The following DGKG variants were observed in gnomAD, a reference collection of about 807,000 sequenced individuals.
The protein encoded by DGKG is DAG kinase gamma.
In DGKG, 78 loss-of-function variants were observed where a neutral mutation model predicts 105.3. The ratio of observed to expected loss-of-function variants is 0.74; its 90% CI spans 0.62 to 0.89. The LOEUF (loss-of-function observed/expected upper bound fraction) is 0.89, where lower values mean the gene tolerates loss of function less well. Among genes scored for constraint, DGKG ranks in the 40% least tolerant of loss-of-function variants. DGKG has a pLI of 0.00. For missense variants in DGKG, 958 were observed against 1,020.1 expected (o/e 0.94, Z 0.83); for synonymous variants, 346 against 367.1 (o/e 0.94, Z 0.66).
At position 186,320,516 on chromosome 3, in the gene DGKG, G is replaced by C. The variant is rs1365412551; in HGVS notation, c.-57C>G. On this transcript the variant is annotated 5_prime_UTR_variant, in exon 2 of 25. The change creates a premature stop within an existing upstream ORF in the 5' untranslated region. Coordinates refer to ENST00000265022, the MANE Select transcript of DGKG (RefSeq NM_001346.3). ...GTGATGGAGTTTTGTTCACTAGGCT[G>C]AAGTGGAGGCCCAGCCCAGGGCCTG... 5 of 1,613,778 alleles carry C rather than the reference G, an allele frequency of 3.1e-6. No individual in the cohort carries two copies. The Admixed American group carries it at 8.3e-5, about 27-fold the overall frequency.
At chr3:186,161,207 AC>A in intron 24 of DGKG, 3 of 993,418 alleles carry the variant, frequency 3.0e-6, no homozygotes, top group South Asian at 4.5e-5. Flanking sequence ...TTTGGCTTCC[AC>A]GTAAGGAAGC....
intron 13 of DGKG, 143 bp from the exon 14 acceptor site, chr3:186,265,449 G>T: frequency 1.4e-6 from 1 of 709,958 alleles, no homozygotes; most frequent in Non-Finnish European, 2.4e-6. Context: ...TCAACATAGG[G>T]CTTCTGACCT....
At chr3:186,153,495 T>A (rs1715873596) in intron 24 of DGKG, among the ~76,000 whole-genome samples, 1 of 152,210 alleles carries the variant, frequency 6.6e-6, no homozygotes. Context: ...GATCAGCAGC[T>A]TAGTGCATAG....
chr3:186,300,625 C>A (rs1036727204), intron 3 of DGKG, among the ~76,000 whole-genome samples: 2 of 152,120 alleles, frequency 1.3e-5, no homozygotes, highest in Non-Finnish European at 2.9e-5. Context: ...CTTTAATTGA[C>A]AAGTAGTATT....
At chr3:186,190,519 A>G (rs1294458930) in intron 21 of DGKG, among the ~76,000 whole-genome samples, 1 of 152,150 alleles carries the variant, frequency 6.6e-6, no homozygotes, top group Non-Finnish European at 1.5e-5. Flanking sequence ...TATCCTTATT[A>G]TCCAATTGAT....
In DGKG at chr3:186,203,201, C is replaced by T. The variant is rs1008567265; in HGVS notation, c.1917+8594G>A. Among the ~76,000 whole-genome samples the T allele has an allele frequency of 5.9e-5, 9 of 152,146 alleles. No homozygotes were observed. Among genetic ancestry groups the T allele is most frequent in the Non-Finnish European group, 1.3e-4 (9 of 68,036 alleles). On this transcript the variant is annotated intron_variant, in intron 21 of 24. Transcript: ENST00000265022. This position sits in a 1 kb window ranked among gnomAD's most constrained non-coding sequence, Gnocchi z 4.9. Reference sequence around the variant, plus strand: ...AGCATTAGTGAAGGAAACTCGTAGTCAGTGCACGACTGAAAGAGACAGAGA... The same window carrying T: ...AGCATTAGTGAAGGAAACTCGTAGTTAGTGCACGACTGAAAGAGACAGAGA...
At chr3:186,179,861 G>C (rs1361838642) in intron 22 of DGKG, among the ~76,000 whole-genome samples, 1 of 152,216 alleles carries the variant, frequency 6.6e-6, no homozygotes, top group African/African-American at 2.4e-5. Flanking sequence ...TGGCAGAGGG[G>C]CCCTGGCACA....
At chr3:186,320,364 G>A (rs761876301) in intron 2 of DGKG, 29 bp downstream of exon 2, 66 of 1,613,382 alleles carry the variant, frequency 4.1e-5, no homozygotes, top group Non-Finnish European at 5.3e-5. Context: ...AAGAAATCCC[G>A]TCCCAGGGCT....
intron 18 of DGKG, among the ~76,000 whole-genome samples, chr3:186,252,149 C>T (rs1721259041): frequency 6.6e-6 from 1 of 152,180 alleles, no homozygotes; most frequent in Non-Finnish European, 1.5e-5. Context: ...CTAAAGGTCA[C>T]AGGCCTGTGT....
chr3:186,217,718 C>A (rs1719364273), intron 20 of DGKG, among the ~76,000 whole-genome samples: 1 of 152,192 alleles, frequency 6.6e-6, no homozygotes, highest in Admixed American at 6.5e-5. Flanking sequence ...TAGCTGCTGG[C>A]CATTCACTTT....
chr3:186,242,648 A>C (rs1720745258), intron 19 of DGKG, 80 bp from the exon 20 acceptor site: 2 of 1,237,084 alleles, frequency 1.6e-6, no homozygotes, highest in Admixed American at 2.1e-5. Flanking sequence ...GCACGCATGC[A>C]CTCGCTGAGT....
At chr3:186,282,097 G>A (rs1035813800) in intron 7 of DGKG, among the ~76,000 whole-genome samples, 3 of 152,186 alleles carry the variant, frequency 2.0e-5, no homozygotes, top group African/African-American at 7.2e-5. Flanking sequence ...CTATTGTATG[G>A]GATAGGTATT....
At chr3:186,153,743 G>A (rs1229346843) in intron 24 of DGKG, among the ~76,000 whole-genome samples, 1 of 152,202 alleles carries the variant, frequency 6.6e-6, no homozygotes, top group Non-Finnish European at 1.5e-5. Context: ...CTCAGGGTGT[G>A]TAATTCAGAT....
intron 1 of DGKG, among the ~76,000 whole-genome samples, chr3:186,329,111 C>G (rs1490057107): frequency 6.6e-6 from 1 of 152,134 alleles, no homozygotes; most frequent in Non-Finnish European, 1.5e-5. Flanking sequence ...TTCTTATTAC[C>G]ACCCCAAGCA....
chr3:186,323,249 T>A (rs1183480694), intron 1 of DGKG, among the ~76,000 whole-genome samples: 2 of 152,302 alleles, frequency 1.3e-5, no homozygotes, highest in African/African-American at 4.8e-5. Context: ...GTGAGGAGTA[T>A]CCTTTAGAAA....
chr3:186,270,985 C>A lies in DGKG; in HGVS notation c.999+1270G>T, dbSNP rs149077550. Reference sequence around the variant, plus strand: ...CCCGGTGAAAGGCATGGACATGGAGCAGGGTGTGCATGGGGTGGTGCAGAA... The same window carrying A: ...CCCGGTGAAAGGCATGGACATGGAGAAGGGTGTGCATGGGGTGGTGCAGAA... On this transcript the variant is annotated intron_variant, in intron 11 of 24. Transcript: ENST00000265022. Among the ~76,000 whole-genome samples, 346 of 152,314 alleles carry A rather than the reference C, an allele frequency of 2.3e-3. 1 individual carries two copies. Among genetic ancestry groups the A allele is most frequent in the African/African-American group, 7.9e-3 (330 of 41,560 alleles).
rs1205057659 is a variant in DGKG, at chr3:186,280,744, C to T, written c.595G>A (p.Glu199Lys). 1 of 1,613,290 alleles carries T rather than the reference C, an allele frequency of 6.2e-7. No individual in the cohort carries two copies. Among genetic ancestry groups the T allele is most frequent in the Non-Finnish European group, 8.5e-7 (1 of 1,179,264 alleles). The change falls in exon 8 of 25, where the codon GAG becomes AAG. Residue 199 changes from glutamate to lysine, a missense_variant and splice_region_variant. Around this residue, in one of 2 missense-constraint regions of DGKG, gnomAD observed 643 missense variants for 619.5 expected, o/e 1.04. Transcript: ENST00000265022. Reference sequence around the variant, plus strand: ...ATTTGGTTGACAATGCAATCCATCTCCTAGAAAATAGCAAAGGGAGAAAAT... The same window carrying T: ...ATTTGGTTGACAATGCAATCCATCTTCTAGAAAATAGCAAAGGGAGAAAAT... ...SDENGLLDQA[E>K]MDCIVNQMLH...
chr3:186,160,855 C>T, intron 24 of DGKG: 1 of 985,454 alleles, frequency 1.0e-6, no homozygotes, highest in African/African-American at 1.7e-5. Flanking sequence ...TGCATGGCTC[C>T]TGTCCTAGTG....
intron 5 of DGKG, among the ~76,000 whole-genome samples, chr3:186,289,970 G>T (rs1723243052): frequency 6.6e-6 from 1 of 152,172 alleles, no homozygotes; most frequent in African/African-American, 2.4e-5. Context: ...TCAGTTGTGG[G>T]TCTGAGGAGG....
Sources: allele counts gnomAD v4.1 joint callset (sites outside exome capture counted in the v4.1 genomes callset), GRCh38; gene constraint gnomAD v4.1.1; regional missense constraint gnomAD v4.1.1; non-coding constraint Gnocchi (gnomAD v3.1); transcripts MANE v1.5; gene names NCBI Gene and HGNC (gene_info 2026-07-23, HGNC 2026-07-21).